The following EVL variants were observed in gnomAD, a reference collection of about 807,000 sequenced individuals.
The protein encoded by EVL is Enah/Vasp-like, also known as ena/VASP-like protein.
A neutral mutation model predicts 59.6 loss-of-function variants in EVL; 21 were observed. The ratio of observed to expected loss-of-function variants is 0.35; its 90% confidence interval spans 0.25 to 0.51. The LOEUF (loss-of-function observed/expected upper bound fraction) is 0.51, where lower values mean the gene tolerates loss of function less well. Among genes scored for constraint, EVL ranks in the 20% least tolerant of loss-of-function variants. The pLI is 0.97. For synonymous variants in EVL, 198 were observed against 203.5 expected (o/e 0.97, Z 0.23); for missense variants, 462 against 546.6 (o/e 0.85, Z 1.54).
chr14:100,003,428 T>G (rs1304504089), intron 1 of EVL, among the ~76,000 whole-genome samples: 1 of 152,174 alleles, frequency 6.6e-6, no homozygotes, highest in Non-Finnish European at 1.5e-5. Flanking sequence ...TTTATTTTTA[T>G]TTTTTGAGAC....
intron 1 of EVL, among the ~76,000 whole-genome samples, chr14:100,032,880 C>T (rs922761272): frequency 3.9e-5 from 6 of 152,152 alleles, no homozygotes; most frequent in Admixed American, 1.3e-4. Context: ...CACAGTTGAG[C>T]AGAGCTGGAC....
intron 1 of EVL, among the ~76,000 whole-genome samples, chr14:100,036,316 C>A (rs2061387943): frequency 6.6e-6 from 1 of 152,178 alleles, no homozygotes. Context: ...GGGACCGCTG[C>A]TCTATGGGAC....
chr14:100,082,131 T>A (rs1361475184), intron 1 of EVL, among the ~76,000 whole-genome samples: 4 of 151,766 alleles, frequency 2.6e-5, no homozygotes, highest in Non-Finnish European at 5.9e-5. Context: ...CTCAAAAAAA[T>A]AAATAAATAA....
At chr14:100,096,238 A>T (rs1885801592) in intron 2 of EVL, among the ~76,000 whole-genome samples, 1 of 152,236 alleles carries the variant, frequency 6.6e-6, no homozygotes, top group Admixed American at 6.5e-5. Flanking sequence ...AAATCAGCAT[A>T]GAGAGCGTTA....
At chr14:100,001,430 C>T (rs1210166505) in intron 1 of EVL, among the ~76,000 whole-genome samples, 1 of 152,296 alleles carries the variant, frequency 6.6e-6, no homozygotes, top group East Asian at 1.9e-4. Flanking sequence ...AAATAGAATT[C>T]GTCTCTCTCT....
At chr14:100,082,199 G>A (rs2140298243) in intron 1 of EVL, among the ~76,000 whole-genome samples, 1 of 151,054 alleles carries the variant, frequency 6.6e-6, no homozygotes, top group Non-Finnish European at 1.5e-5. Context: ...CTCCAGGCTG[G>A]ATAAGGTTTA....
chr14:99,973,500 TTGCCCAGG>T (rs1224585213), intron 1 of EVL, among the ~76,000 whole-genome samples: 3 of 152,256 alleles, frequency 2.0e-5, no homozygotes, highest in Non-Finnish European at 2.9e-5. Flanking sequence ...TCTCGCTCTG[TTGCCCAGG>T]CTGGAGTGCA....
chr14:100,123,134 T>C (rs920976510), intron 3 of EVL, among the ~76,000 whole-genome samples: 1 of 152,210 alleles, frequency 6.6e-6, no homozygotes, highest in Non-Finnish European at 1.5e-5. Flanking sequence ...CAATTCCCAG[T>C]TCCCCGCTGA....
Position 100,000,340 on chromosome 14 carries a change from CTTTTTTTTTT to C in EVL, c.5+28299_5+28308del. 3.0e-5 allele frequency among the ~76,000 whole-genome samples: 3 copies of C among 99,874 alleles called. No individual in the cohort carries two copies. The East Asian group carries it at 9.8e-4, about 33-fold the overall frequency. 65.5% of individuals were successfully genotyped at this position (99,874 alleles called of 152,430 possible). A position where few individuals can be genotyped will look rare whatever the true frequency, so the allele number is the denominator to read the frequency against. The stretch of plus-strand genomic sequence containing the variant: ...TAGATAAGAGACAAACTGTTGCATT[CTTTTTTTTTT>C]TTTTTTTTTTTTTTTGAGACGGAGT... On this transcript the variant is annotated intron_variant, in intron 1 of 13. Transcript: ENST00000402714.
At position 100,076,168 on chromosome 14, in the gene EVL, T is replaced by C. The variant is rs1214218251; in HGVS notation, c.12-8519T>C. On this transcript the variant is annotated intron_variant, in intron 1 of 13. Coordinates refer to ENST00000392920, the MANE Select transcript of EVL (RefSeq NM_016337.3). ...AGGAGTAGCAGAAAAGACATCTTAA[T>C]TGGCCCAATGTCATGGGGATGCTTT... Among the ~76,000 whole-genome samples, 5 of 152,326 alleles carry C rather than the reference T, an allele frequency of 3.3e-5. No individual in the cohort carries two copies. In the East Asian group the frequency reaches 9.6e-4, roughly 29 times the overall value.
chr14:100,004,809 T>C (rs915291888), intron 1 of EVL, among the ~76,000 whole-genome samples: 5 of 152,226 alleles, frequency 3.3e-5, no homozygotes, highest in African/African-American at 1.2e-4. Flanking sequence ...ACATAACCTT[T>C]AAATAAGCTT....
At chr14:100,082,820 T>C (rs545055649) in intron 1 of EVL, among the ~76,000 whole-genome samples, 1 of 152,348 alleles carries the variant, frequency 6.6e-6, no homozygotes. Context: ...GCCAGGCTGA[T>C]AGGGTGTCCC....
intron 3 of EVL, among the ~76,000 whole-genome samples, chr14:100,113,640 G>A (rs1156400136): frequency 6.6e-6 from 1 of 152,216 alleles, no homozygotes; most frequent in Non-Finnish European, 1.5e-5. Context: ...AAGGCAGCAA[G>A]TGTGAGGGGT....
intron 1 of EVL, among the ~76,000 whole-genome samples, chr14:99,975,984 T>C (rs2140166534): frequency 6.6e-6 from 1 of 152,278 alleles, no homozygotes; most frequent in East Asian, 1.9e-4. Flanking sequence ...AAACCACCCA[T>C]TGAGTTTTTA....
intron 2 of EVL, among the ~76,000 whole-genome samples, chr14:100,092,805 G>T (rs1468513073): frequency 6.6e-6 from 1 of 152,168 alleles, no homozygotes; most frequent in Non-Finnish European, 1.5e-5. Context: ...ATCTCATAAA[G>T]ATTGTGTTGA....
chr14:100,044,928 C>T (rs939904492), intron 1 of EVL, among the ~76,000 whole-genome samples: 1 of 152,142 alleles, frequency 6.6e-6, no homozygotes, highest in Non-Finnish European at 1.5e-5. Context: ...CACCACTGTA[C>T]TCCAGCATGG....
intron 3 of EVL, chr14:100,102,243 C>G: frequency 2.2e-6 from 1 of 456,032 alleles, no homozygotes; most frequent in Non-Finnish European, 4.4e-6. Flanking sequence ...TGCAGCGCAG[C>G]ATAGAGGAAC....
intron 3 of EVL, among the ~76,000 whole-genome samples, chr14:100,105,352 A>G (rs945595568): frequency 2.0e-5 from 3 of 152,040 alleles, no homozygotes; most frequent in Non-Finnish European, 4.4e-5. Flanking sequence ...AGGGACCCCA[A>G]TTCTAGCCTT....
chr14:99,984,491 A>G (rs545521196), intron 1 of EVL, among the ~76,000 whole-genome samples: 2 of 152,308 alleles, frequency 1.3e-5, no homozygotes, highest in East Asian at 3.9e-4. Flanking sequence ...GTATTTTAGA[A>G]CAGTTTTAGA....
Sources: allele counts gnomAD v4.1 joint callset (sites outside exome capture counted in the v4.1 genomes callset), GRCh38; gene constraint gnomAD v4.1.1; transcripts MANE v1.5; gene names NCBI Gene and HGNC (gene_info 2026-07-23, HGNC 2026-07-21).